PSD3: variants seen among roughly 807,000 people sequenced by gnomAD.
PSD3 encodes the protein PH and SEC7 domain-containing protein 3.
Under a neutral mutation model 105.5 loss-of-function variants are expected in PSD3, and 49 were observed. The ratio of observed to expected loss-of-function variants is 0.46; its 90% CI spans 0.37 to 0.59. The LOEUF (loss-of-function observed/expected upper bound fraction) is 0.59. Ranked by LOEUF, PSD3 falls within the 20% of genes least tolerant of loss-of-function variation. The pLI is 0.00. For synonymous variants in PSD3, 557 were observed against 457.8 expected, an observed-to-expected ratio of 1.22 and a Z score of -2.77; for missense variants, 1,561 against 1,263.8, an observed-to-expected ratio of 1.24 and a Z score of -3.57.
intron 4 of PSD3, among the ~76,000 whole-genome samples, chr8:18,827,053 G>C (rs771516552): frequency 6.6e-6 from 1 of 152,162 alleles, no homozygotes; most frequent in Non-Finnish European, 1.5e-5. Context: ...AGCAGCTTAA[G>C]AGGAAAACAA....
At position 18,871,857 on chromosome 8, in the gene PSD3, T is replaced by C. The variant is rs1393355857; in HGVS notation, c.1007A>G (p.Glu336Gly). 2 of 1,614,224 alleles carry C rather than the reference T, an allele frequency of 1.2e-6. No individual in the cohort carries two copies. Among genetic ancestry groups the C allele is most frequent in the Non-Finnish European group, 1.7e-6 (2 of 1,180,024 alleles). ...GAGATGGCGTGGCACTTTGGAAGAC[T>C]CTTTGCTGTCAGGAGAGGCTGTTCT... ...LQRTASPDSK[E>G]SSKVPRHLIS... Residue 336 changes from glutamate to glycine, a missense_variant, in exon 3 of 16, where the codon GAG becomes GGG. Glu to Gly is a moderately conservative substitution (Grantham distance 98). Transcript: ENST00000327040.
chr8:18,975,322 T>TAAAAA (rs1563479179), intron 1 of PSD3, among the ~76,000 whole-genome samples: 21 of 121,768 alleles, frequency 1.7e-4, no homozygotes, highest in Admixed American at 5.9e-4. Flanking sequence ...AAATTTTTTT[T>TAAAAA]TTTTTTTTTT....
At chr8:19,077,144 T>G (rs1829484449) in intron 1 of PSD3, among the ~76,000 whole-genome samples, 1 of 152,176 alleles carries the variant, frequency 6.6e-6, no homozygotes. Flanking sequence ...ATCTCTGACC[T>G]GAGATAAATG....
chr8:19,072,338 C>G (rs990340237), intron 1 of PSD3, among the ~76,000 whole-genome samples: 1 of 152,052 alleles, frequency 6.6e-6, no homozygotes, highest in Admixed American at 6.6e-5. Flanking sequence ...CCGCCCACCT[C>G]GGCCTCCCAA....
At chr8:18,738,211 C>A (rs1335877065) in intron 9 of PSD3, among the ~76,000 whole-genome samples, 2 of 152,242 alleles carry the variant, frequency 1.3e-5, no homozygotes, top group East Asian at 3.9e-4. Flanking sequence ...CATATCATTT[C>A]AAATTAGAGG....
intron 15 of PSD3, among the ~76,000 whole-genome samples, chr8:18,545,097 C>A (rs1205351556): frequency 2.0e-5 from 3 of 152,202 alleles, no homozygotes; most frequent in Non-Finnish European, 2.9e-5. Context: ...TTTTAAAATA[C>A]TATGATTTCT....
At chr8:18,752,537 TTATATATA>T (rs1554489456) in intron 9 of PSD3, among the ~76,000 whole-genome samples, 1 of 30,880 alleles carries the variant, frequency 3.2e-5, no homozygotes, top group Non-Finnish European at 4.7e-5. Flanking sequence ...TAATTATATA[TTATATATA>T]TTATATATAA....
chr8:18,976,313 T>C (rs1383227975), intron 1 of PSD3, among the ~76,000 whole-genome samples: 3 of 152,204 alleles, frequency 2.0e-5, no homozygotes, highest in Non-Finnish European at 4.4e-5. Context: ...ATAACCTTAT[T>C]ATTAAATAAA....
chr8:18,943,680 C>A (rs550465779), intron 1 of PSD3, among the ~76,000 whole-genome samples: 1 of 152,230 alleles, frequency 6.6e-6, no homozygotes, highest in African/African-American at 2.4e-5. Flanking sequence ...GCCTCCACTA[C>A]ACTGGGAGAC....
chr8:19,070,802 A>G (rs1391521995), intron 1 of PSD3, among the ~76,000 whole-genome samples: 2 of 152,204 alleles, frequency 1.3e-5, no homozygotes, highest in African/African-American at 4.8e-5. Context: ...TCTTTAAATC[A>G]CTGGAACTCA....
In PSD3 at chr8:18,600,444, G is replaced by C; in HGVS notation, c.2411-10C>G. The stretch of plus-strand genomic sequence containing the variant: ...CGTTTTCCTCTTGGAGCTAGAAAGG[G>C]GGAAAAAATGTAAAATTTTATTTGA... On this transcript the variant is annotated splice_polypyrimidine_tract_variant and intron_variant, in intron 11 of 15. Transcript: ENST00000327040. 1 of 1,584,516 alleles carries C rather than the reference G, an allele frequency of 6.3e-7. No homozygotes were observed. Among genetic ancestry groups the C allele is most frequent in the Non-Finnish European group, 8.6e-7 (1 of 1,164,276 alleles).
chr8:18,974,299 T>C (rs1271507249), intron 1 of PSD3, among the ~76,000 whole-genome samples: 1 of 152,108 alleles, frequency 6.6e-6, no homozygotes, highest in Admixed American at 6.5e-5. Flanking sequence ...CAAACCAACC[T>C]CTGAGTTATT....
intron 2 of PSD3, among the ~76,000 whole-genome samples, chr8:18,925,404 T>C (rs1044222402): frequency 1.3e-5 from 2 of 151,758 alleles, no homozygotes; most frequent in African/African-American, 4.9e-5. Flanking sequence ...TATATATATA[T>C]ATACACACAC....
At position 18,656,823 on chromosome 8, in the gene PSD3, G is replaced by A. The variant is rs550859818; in HGVS notation, c.2173-1138C>T. ...CAGCCTCAAACTCCAGGGCTCAAGT[G>A]ATTCTCCTGCCTCAGCTTCCTGAAC... is the stretch of plus-strand genomic sequence containing the variant. On this transcript the variant is annotated intron_variant, in intron 9 of 15. Transcript: ENST00000327040. Among the ~76,000 whole-genome samples the A allele has an allele frequency of 2.0e-5, 3 of 152,266 alleles. No individual in the cohort carries two copies. The South Asian group carries it at 6.2e-4, about 32-fold the overall frequency.
At chr8:18,902,602 CTG>C (rs915895556) in intron 2 of PSD3, among the ~76,000 whole-genome samples, 8 of 152,224 alleles carry the variant, frequency 5.3e-5, no homozygotes, top group African/African-American at 1.2e-4. Flanking sequence ...TGGCAGATAT[CTG>C]TGTGTTGATG....
At chr8:18,961,460 G>A (rs565242203) in intron 1 of PSD3, among the ~76,000 whole-genome samples, 20 of 152,146 alleles carry the variant, frequency 1.3e-4, no homozygotes, top group South Asian at 4.2e-4. Flanking sequence ...AGGCCAAGGC[G>A]GGCGGATCAT....
At chr8:18,574,736 C>T (rs1275941107) in intron 13 of PSD3, among the ~76,000 whole-genome samples, 2 of 152,184 alleles carry the variant, frequency 1.3e-5, no homozygotes, top group Admixed American at 6.6e-5. Context: ...TTATCCCCCA[C>T]ACTAGTGACG....
intron 4 of PSD3, among the ~76,000 whole-genome samples, chr8:18,833,504 G>A (rs1217784236): frequency 6.6e-6 from 1 of 152,220 alleles, no homozygotes; most frequent in African/African-American, 2.4e-5. Context: ...CTTTGTGGAG[G>A]CAGTGCTTTG....
intron 9 of PSD3, among the ~76,000 whole-genome samples, chr8:18,712,172 A>G (rs532047519): frequency 2.8e-4 from 43 of 152,268 alleles, no homozygotes; most frequent in Middle Eastern, 3.4e-3. Context: ...GCAAAAAGCT[A>G]CAAAGACCTC....
Sources: gnomAD v4.1 joint callset for allele counts (sites outside exome capture counted in the v4.1 genomes callset) on GRCh38, gnomAD v4.1.1 for gene constraint, MANE v1.5 for transcripts, NCBI Gene and HGNC (gene_info 2026-07-23, HGNC 2026-07-21) for gene names.